TBC1D9B: variants seen among roughly 807,000 people sequenced by gnomAD.
TBC1D9B encodes the protein TBC1 domain family member 9B, also known as TBC1 domain family, member 9B (with GRAM domain).
In TBC1D9B, 87 loss-of-function variants were observed where a neutral mutation model predicts 121.1. The observed-to-expected ratio is 0.72, with a 90% CI of 0.60 to 0.86. TBC1D9B has a LOEUF of 0.86. Among genes scored for constraint, TBC1D9B ranks in the 40% least tolerant of loss-of-function variants. The probability of loss-of-function intolerance (pLI) is 0.00; values close to 1 mark genes in which losing one functional copy is unlikely to be tolerated. For missense variants in TBC1D9B, 1,540 were observed against 1,628.6 expected (o/e 0.95, Z 0.94); for synonymous variants, 668 against 670.1 (o/e 1.00, Z 0.05).
chr5:179,898,052 A>T (rs984681078), intron 3 of TBC1D9B, among the ~76,000 whole-genome samples: 25 of 152,014 alleles, frequency 1.6e-4, no homozygotes, highest in Admixed American at 5.9e-4. Flanking sequence ...GCGGTGGCTG[A>T]TGCCTGTAAT....
In TBC1D9B at chr5:179,878,310, T is replaced by C. The variant is rs1760420987; in HGVS notation, c.1781A>G (p.Gln594Arg). 3 of 1,611,264 alleles carry C rather than the reference T, an allele frequency of 1.9e-6. No homozygotes were observed. Among genetic ancestry groups the C allele is most frequent in the Non-Finnish European group, 2.5e-6 (3 of 1,179,338 alleles). The stretch of plus-strand genomic sequence containing the variant: ...CTGGGCCCCTGTCAGGCCCCTTACC[T>C]GGCAGTAGCCGATGGTGGGGTTTCG... ...AFRNPTIGYC[Q>R]AMNIVTSVLL... Residue 594 changes from glutamine to arginine, a missense_variant and splice_region_variant, in exon 10 of 21, where the codon CAG (glutamine) becomes CGG (arginine). Transcript: ENST00000355235.
intron 2 of TBC1D9B, among the ~76,000 whole-genome samples, chr5:179,903,576 C>A (rs982080541): frequency 6.6e-6 from 1 of 152,290 alleles, no homozygotes; most frequent in African/African-American, 2.4e-5. Context: ...ACACTTCTGT[C>A]GACTGACCGA....
chr5:179,866,046 G>A lies in TBC1D9B; in HGVS notation c.2864-158C>T, dbSNP rs533992923. 1.4e-4 allele frequency: 101 copies of A among 723,314 alleles called. No homozygotes were observed. In the African/African-American group the frequency reaches 1.5e-3, roughly 10 times the overall value. The allele number at this position is 723,314 out of a possible 1,614,324, so 44.8% of individuals were successfully genotyped here. A position where few individuals can be genotyped will look rare whatever the true frequency, so the allele number is the denominator to read the frequency against. ...CCATGCCACACCTCCTGCCTGGCCC[G>A]CCCAGCCCCGCCCTATGGCACCAGA... On this transcript the variant is annotated intron_variant, in intron 18 of 20. Transcript: ENST00000355235.
chr5:179,873,031 G>A (rs983366911), intron 13 of TBC1D9B, 41 bp from the exon 14 acceptor site: 9 of 1,613,744 alleles, frequency 5.6e-6, no homozygotes, highest in Non-Finnish European at 6.8e-6. Flanking sequence ...GCCAACTGCA[G>A]GGCAGAGGGC....
chr5:179,866,147 A>G, intron 18 of TBC1D9B: 1 of 475,056 alleles, frequency 2.1e-6, no homozygotes, highest in Non-Finnish European at 3.8e-6. Context: ...CTTTTTTCAA[A>G]TGAATACAAG....
rs138049559 is a variant in TBC1D9B, at chr5:179,893,454, C to T, written c.591G>A (p.Val197=). Residue 197 remains valine (V), a synonymous_variant, in exon 5 of 21, where the codon GTG becomes GTA. Coordinates refer to ENST00000355235, the MANE Select transcript of TBC1D9B (RefSeq NM_015043.4). Reference sequence around the variant, plus strand: ...CCAGACGCGTTATGTCCACCCACTGCACCACGAGGCTCACTGTGCCCACAG... The same window carrying T: ...CCAGACGCGTTATGTCCACCCACTGTACCACGAGGCTCACTGTGCCCACAG... ...FLLGKEVSLV[V]QWVDITRLEK... 6.2e-7 allele frequency: 1 copy of T among 1,603,426 alleles called. No homozygotes were observed. Among genetic ancestry groups the T allele is most frequent in the African/African-American group, 1.3e-5 (1 of 74,910 alleles).
At chr5:179,882,628 T>C (rs2113624934) in intron 7 of TBC1D9B, among the ~76,000 whole-genome samples, 1 of 152,242 alleles carries the variant, frequency 6.6e-6, no homozygotes, top group South Asian at 2.1e-4. Flanking sequence ...TGGATCACCC[T>C]AGGTCAGGAG....
intron 10 of TBC1D9B, 100 bp from the exon 11 acceptor site, chr5:179,876,137 C>T (rs1475022957): frequency 1.6e-5 from 13 of 806,394 alleles, no homozygotes; most frequent in Non-Finnish European, 1.9e-5. Context: ...TGCAAGGGCC[C>T]ACATGATCTT....
chr5:179,878,536 G>T lies in TBC1D9B; in HGVS notation c.1568-13C>A. 2 of 1,585,844 alleles carry T rather than the reference G, an allele frequency of 1.3e-6. No individual in the cohort carries two copies. The highest frequency in any genetic ancestry group is 2.3e-5 in the East Asian group (1 of 43,892). ...TCATTCCAGGCCCCTGGGGAGACACGGGTGCCAGCTGTCTCTGTCCTTCTT... is the reference window on the plus strand; with the variant it reads ...TCATTCCAGGCCCCTGGGGAGACACTGGTGCCAGCTGTCTCTGTCCTTCTT... On this transcript the variant is annotated splice_polypyrimidine_tract_variant and intron_variant, in intron 9 of 20. Coordinates refer to ENST00000355235, the MANE Select transcript of TBC1D9B (RefSeq NM_015043.4).
chr5:179,895,065 T>G (rs1760982040), intron 3 of TBC1D9B, among the ~76,000 whole-genome samples: 1 of 152,086 alleles, frequency 6.6e-6, no homozygotes, highest in Non-Finnish European at 1.5e-5. Context: ...TTTGCCATGT[T>G]GCCCAGGCTG....
At chr5:179,888,414 C>T in intron 6 of TBC1D9B, 102 bp from the exon 7 acceptor site, 2 of 1,183,122 alleles carry the variant, frequency 1.7e-6, no homozygotes, top group Non-Finnish European at 1.2e-6. Flanking sequence ...CTCTCCTGGG[C>T]ACAATGCAGT....
At position 179,907,729 on chromosome 5, in the gene TBC1D9B, GC is replaced by G. The variant is rs1277616548; in HGVS notation, c.92del (p.Gly31AlafsTer112). 8 of 1,187,100 alleles carry G rather than the reference GC, an allele frequency of 6.7e-6. No individual in the cohort carries two copies. Among genetic ancestry groups the G allele is most frequent in the South Asian group, 3.1e-5 (2 of 65,050 alleles). 73.5% of individuals were successfully genotyped at this position (1,187,100 alleles called of 1,614,324 possible). ...NPFFVLQRRR[G>X]HGRGGGLTGL... is the part of the protein sequence containing the mutation. ...CCGTAAGGCCGCCGCCCCTGCCGTG[GC>G]CCCGGCGTCGCTGCAGCACGAAGAA... On this transcript the variant is annotated frameshift_variant, in exon 1 of 21. Coordinates refer to ENST00000355235, the MANE Select transcript of TBC1D9B (RefSeq NM_015043.4). LOFTEE classifies it high-confidence loss of function. This position sits in a 1 kb window ranked among gnomAD's most constrained non-coding sequence, Gnocchi z 5.3.
In TBC1D9B at chr5:179,904,771, C is replaced by T. The variant is rs1007768626; in HGVS notation, c.160G>A (p.Ala54Thr). 2 of 1,575,508 alleles carry T rather than the reference C, an allele frequency of 1.3e-6. No individual in the cohort carries two copies. The highest frequency in any genetic ancestry group is 1.3e-5 in the African/African-American group (1 of 74,172). The change falls in exon 2 of 21, where the codon GCC (alanine) becomes ACC (threonine). Residue 54 changes from alanine (A) to threonine (T), a missense_variant. Ala to Thr is a moderately conservative substitution (Grantham distance 58). Transcript: ENST00000355235. This position sits in a 1 kb window ranked among gnomAD's most constrained non-coding sequence, Gnocchi z 4.2. ...GTLDVVLDSS[A>T]RVAPYRILHQ... ...AGGATGCGGTAAGGGGCCACGCGGGCACTGGAGTCCAGCACCACGTCCAGG... is the reference window on the plus strand; with the variant it reads ...AGGATGCGGTAAGGGGCCACGCGGGTACTGGAGTCCAGCACCACGTCCAGG...
At position 179,863,470 on chromosome 5, in the gene TBC1D9B, T is replaced by G. The variant is rs774643483; in HGVS notation, c.3680A>C (p.Glu1227Ala). The part of the protein sequence containing the change: ...ERQFSTASDH[E>A]QPGVSG ...GCATCAGCCGGAAACTCCAGGCTGC[T>G]CATGGTCACTGGCGGTGCTGAACTG... The change falls in exon 21 of 21, where the codon GAG (glutamate) becomes GCG (alanine). Residue 1227 changes from glutamate to alanine, a missense_variant. Transcript: ENST00000355235. This position sits in a 1 kb window ranked among gnomAD's most constrained non-coding sequence, Gnocchi z 4.5. The G allele has an allele frequency of 1.2e-6, 2 of 1,613,940 alleles. No individual in the cohort carries two copies. Among genetic ancestry groups the G allele is most frequent in the Admixed American group, 1.7e-5 (1 of 60,004 alleles).
intron 18 of TBC1D9B, chr5:179,866,912 A>G (rs1760028950): frequency 6.5e-6 from 1 of 154,908 alleles, no homozygotes; most frequent in Non-Finnish European, 1.4e-5. Context: ...AGTGTGCTGC[A>G]TGTCACCAGC....
chr5:179,870,632 T>C, intron 15 of TBC1D9B, 137 bp from the exon 16 acceptor site: 2 of 1,302,108 alleles, frequency 1.5e-6, no homozygotes, highest in Non-Finnish European at 2.0e-6. Flanking sequence ...GGCCAGACAC[T>C]GCAGCACCTC....
At chr5:179,887,666 AT>A (rs1760728457) in intron 7 of TBC1D9B, 1 of 198,186 alleles carries the variant, frequency 5.0e-6, no homozygotes, top group Admixed American at 6.2e-5. Flanking sequence ...TGAATACAAT[AT>A]TTGGTGATAT....
At chr5:179,889,426 C>T (rs544075263) in intron 6 of TBC1D9B, among the ~76,000 whole-genome samples, 3 of 148,410 alleles carry the variant, frequency 2.0e-5, no homozygotes, top group African/African-American at 7.9e-5. Flanking sequence ...CCTCACAGGT[C>T]ACAGGAGGCA....
At chr5:179,903,641 T>C (rs879762453) in intron 2 of TBC1D9B, among the ~76,000 whole-genome samples, 11 of 152,168 alleles carry the variant, frequency 7.2e-5, no homozygotes, top group Middle Eastern at 3.2e-3. Context: ...TAATACGTAT[T>C]CCTGATCGAT....
Sources: allele counts gnomAD v4.1 joint callset (sites outside exome capture counted in the v4.1 genomes callset), GRCh38; gene constraint gnomAD v4.1.1; non-coding constraint Gnocchi (gnomAD v3.1); transcripts MANE v1.5; gene names NCBI Gene and HGNC (gene_info 2026-07-23, HGNC 2026-07-21).